The following KCNH2 variants were observed in gnomAD, a reference collection of about 807,000 sequenced individuals.
KCNH2 encodes the protein potassium voltage-gated channel subfamily H member 2.
Under a neutral mutation model 95.9 loss-of-function variants are expected in KCNH2, and 35 were observed. That is an observed-to-expected ratio of 0.37 (90% confidence interval 0.28 to 0.48). The LOEUF (loss-of-function observed/expected upper bound fraction) is 0.48, where lower values mean the gene tolerates loss of function less well. Among genes scored for constraint, KCNH2 ranks in the 20% least tolerant of loss-of-function variants. KCNH2 has a pLI of 0.99. For synonymous variants in KCNH2, 786 were observed against 754.7 expected (o/e 1.04, Z -0.68); for missense variants, 1,274 against 1,702.9 (o/e 0.75, Z 4.43).
In KCNH2 at chr7:150,961,001, G is replaced by A. The variant is rs147147165; in HGVS notation, c.308-1265C>T. On this transcript the variant is annotated intron_variant, in intron 2 of 14. Coordinates refer to ENST00000262186, the MANE Select transcript of KCNH2 (RefSeq NM_000238.4). This position sits in a 1 kb window ranked among gnomAD's most constrained non-coding sequence, Gnocchi z 6.2. ...GAAACCAGAAGGCAGTTAACAGCCC[G>A]CTCCAGCTCCTCTATGGCCCCCCAG... is the stretch of plus-strand genomic sequence containing the variant. Among the ~76,000 whole-genome samples the A allele has an allele frequency of 2.3e-4, 35 of 152,144 alleles. No individual in the cohort carries two copies. The East Asian group carries it at 4.6e-3, about 20-fold the overall frequency.
intron 2 of KCNH2, 156 bp from the exon 3 acceptor site, chr7:150,959,892 G>A (rs931278551): frequency 3.0e-5 from 25 of 844,776 alleles, no homozygotes; most frequent in East Asian, 2.9e-4. Context: ...TCCCCCACCC[G>A]GCCATGTGCC....
chr7:150,956,759 G>A (rs1200429277), intron 5 of KCNH2, among the ~76,000 whole-genome samples: 1 of 152,056 alleles, frequency 6.6e-6, no homozygotes, highest in Non-Finnish European at 1.5e-5. Flanking sequence ...TGGGCCCCTC[G>A]AGGCCATCCT....
In KCNH2 at chr7:150,958,383, C is replaced by G. The variant is rs768347062; in HGVS notation, c.592G>C (p.Val198Leu). ...CTGGGTGCCGCGGGCGTCAGGTCCA[C>G]GTCCACCACCACGGCCCCCGGGGCG... ...AGAPGAVVVD[V>L]DLTPAAPSSE... is the part of the protein sequence containing the mutation. Residue 198 changes from valine to leucine, a missense_variant, in exon 4 of 15, where the codon GTG becomes CTG. Transcript: ENST00000262186. 1.4e-6 allele frequency: 2 copies of G among 1,471,214 alleles called. No individual in the cohort carries two copies. Among genetic ancestry groups the G allele is most frequent in the East Asian group, 3.0e-5 (1 of 33,562 alleles). 91.1% of individuals were successfully genotyped at this position (1,471,214 alleles called of 1,614,324 possible).
chr7:150,955,021 C>T (rs1801319347), intron 5 of KCNH2, among the ~76,000 whole-genome samples: 1 of 152,232 alleles, frequency 6.6e-6, no homozygotes. Flanking sequence ...GCCTCCATGC[C>T]AGGCCCAGCT....
At position 150,951,014 on chromosome 7, in the gene KCNH2, G is replaced by C; in HGVS notation, c.2052C>G (p.Ile684Met). The C allele has an allele frequency of 6.2e-7, 1 of 1,614,232 alleles. No homozygotes were observed. The highest frequency in any genetic ancestry group is 8.5e-7 in the Non-Finnish European group (1 of 1,180,040). ...HTQMLRVREF[I>M]RFHQIPNPLR... ...GGGGATTGGGGATCTGGTGGAAGCG[G>C]ATGAACTCCCGCACCCGCAGCATCT... The change falls in exon 8 of 15, where the codon ATC becomes ATG. Residue 684 changes from isoleucine (I) to methionine (M), a missense_variant. By Grantham distance (10) the Ile-to-Met change is conservative. Around this residue, in one of 7 missense-constraint regions of KCNH2, gnomAD observed 159 missense variants for 282.5 expected, o/e 0.56. Coordinates refer to ENST00000262186, the MANE Select transcript of KCNH2 (RefSeq NM_000238.4).
At chr7:150,966,675 A>G (rs1197078032) in intron 2 of KCNH2, among the ~76,000 whole-genome samples, 4 of 152,144 alleles carry the variant, frequency 2.6e-5, no homozygotes, top group Non-Finnish European at 5.9e-5. Context: ...TTTTCTACAC[A>G]AGCAATTAGG....
intron 2 of KCNH2, among the ~76,000 whole-genome samples, chr7:150,972,814 C>G (rs1189036162): frequency 6.6e-6 from 1 of 152,218 alleles, no homozygotes; most frequent in Non-Finnish European, 1.5e-5. Context: ...ACAATAACTC[C>G]TCTGCAGAAG....
chr7:150,948,025 C>T lies in KCNH2; in HGVS notation c.2693-147G>A, dbSNP rs1800985106. 3 of 1,022,320 alleles carry T rather than the reference C, an allele frequency of 2.9e-6. No homozygotes were observed. The South Asian group carries it at 5.1e-5, about 17-fold the overall frequency. 63.3% of individuals were successfully genotyped at this position (1,022,320 alleles called of 1,614,324 possible). Reference sequence around the variant, plus strand: ...CAGTCGCTTCTTCTGCTATCTTGCACCCACTGTCAAGCCGACCAAGAACTC... The same window carrying T: ...CAGTCGCTTCTTCTGCTATCTTGCATCCACTGTCAAGCCGACCAAGAACTC... On this transcript the variant is annotated intron_variant, in intron 11 of 14. Coordinates refer to ENST00000262186, the MANE Select transcript of KCNH2 (RefSeq NM_000238.4).
At chr7:150,951,903 G>A in intron 6 of KCNH2, 68 bp from the exon 7 acceptor site, 2 of 1,424,496 alleles carry the variant, frequency 1.4e-6, no homozygotes, top group South Asian at 1.3e-5. Context: ...GGGAGGTGCT[G>A]CGGCCCTCAG....
chr7:150,954,872 C>T (rs1225901613), intron 5 of KCNH2, among the ~76,000 whole-genome samples: 1 of 152,216 alleles, frequency 6.6e-6, no homozygotes, highest in Non-Finnish European at 1.5e-5. Flanking sequence ...AGAGATGAGC[C>T]AGGTGCCTCA....
At chr7:150,951,350 C>CG in intron 7 of KCNH2, 98 bp downstream of exon 7, 1 of 1,122,298 alleles carries the variant, frequency 8.9e-7, no homozygotes. Flanking sequence ...CTCTAAGTTC[C>CG]AGGGCCTCAC....
intron 1 of KCNH2, among the ~76,000 whole-genome samples, chr7:150,975,777 G>C (rs1171922475): frequency 1.3e-5 from 2 of 152,236 alleles, no homozygotes; most frequent in Non-Finnish European, 2.9e-5. Context: ...GTCACAGGCA[G>C]AAGCCCAAGG....
chr7:150,958,311 C>T lies in KCNH2; in HGVS notation c.664G>A (p.Val222Met), dbSNP rs1263535997. The T allele has an allele frequency of 1.3e-6, 2 of 1,482,332 alleles. No individual in the cohort carries two copies. Among genetic ancestry groups the T allele is most frequent in the Non-Finnish European group, 1.8e-6 (2 of 1,122,872 alleles). The allele number at this position is 1,482,332 out of a possible 1,614,324, so 91.8% of individuals were successfully genotyped here. A position where few individuals can be genotyped will look rare whatever the true frequency, so the allele number is the denominator to read the frequency against. ...LDEVTAMDNH[V>M]AGLGPAEERR... ...TCCTCCGCGGGCCCGAGCCCTGCCA[C>T]GTGGTTGTCCATGGCTGTCACTTCG... Residue 222 changes from valine to methionine, a missense_variant, in exon 4 of 15, where the codon GTG becomes ATG. Physicochemically the swap from Val to Met is conservative, Grantham distance 21. This residue lies in a region of KCNH2 where 392 missense variants were observed against 429.9 expected (regional missense o/e 0.91). Transcript: ENST00000262186.
Position 150,947,544 on chromosome 7 carries a change from G to A in KCNH2, c.2966-30C>T, listed in dbSNP as rs372567534. ...AGCCAGAGAGCAGAGCTGGGTGAGCGGGGTAGACGCACCACCGCTGCCACG... is the reference window on the plus strand; with the variant it reads ...AGCCAGAGAGCAGAGCTGGGTGAGCAGGGTAGACGCACCACCGCTGCCACG... On this transcript the variant is annotated intron_variant, in intron 12 of 14. Coordinates refer to ENST00000262186, the MANE Select transcript of KCNH2 (RefSeq NM_000238.4). 4.1e-5 allele frequency: 66 copies of A among 1,601,208 alleles called. No homozygotes were observed. The African/African-American group carries it at 7.2e-4, about 18-fold the overall frequency.
intron 2 of KCNH2, among the ~76,000 whole-genome samples, chr7:150,971,703 T>G (rs1801844129): frequency 1.4e-5 from 2 of 147,820 alleles, no homozygotes; most frequent in Non-Finnish European, 1.5e-5. Context: ...GGACAGAGAG[T>G]AAGCCAGGCA....
intron 2 of KCNH2, among the ~76,000 whole-genome samples, chr7:150,972,274 C>G (rs1031655827): frequency 6.6e-6 from 1 of 152,252 alleles, no homozygotes; most frequent in Admixed American, 6.5e-5. Flanking sequence ...GCTCCCCCTA[C>G]CCGAGGCTGG....
Position 150,950,463 on chromosome 7 carries a change from A to AC in KCNH2, c.2146-44dup, listed in dbSNP as rs750134750. On this transcript the variant is annotated intron_variant, in intron 8 of 14. Transcript: ENST00000262186. ...GCAGCTCAGCACACCCTCCCTTGGG[A>AC]CCCCCCAACCCACACTCTACTCCAC... 3.8e-6 allele frequency: 6 copies of AC among 1,599,054 alleles called. No individual in the cohort carries two copies. In the South Asian group the frequency reaches 4.4e-5, roughly 12 times the overall value.
Position 150,945,559 on chromosome 7 carries a change from A to G in KCNH2, c.3331-45T>C. Reference sequence around the variant, plus strand: ...TGGGCAGGCGAAGAGGCCATGGAGGAGGAGGAAGGGGAGGGAAAGGGGCAG... The same window carrying G: ...TGGGCAGGCGAAGAGGCCATGGAGGGGGAGGAAGGGGAGGGAAAGGGGCAG... On this transcript the variant is annotated intron_variant, in intron 14 of 14. Transcript: ENST00000262186. The surrounding 1 kb of genome is among the most constrained non-coding windows in gnomAD (Gnocchi z 5.6). The G allele has an allele frequency of 5.2e-6, 8 of 1,549,418 alleles. No individual in the cohort carries two copies. The highest frequency in any genetic ancestry group is 7.0e-6 in the Non-Finnish European group (8 of 1,144,688).
rs1801357501 is a variant in KCNH2, at chr7:150,955,863, CACACT to C, written c.1128+1423_1128+1427del. 3.0e-6 allele frequency: 3 copies of C among 1,014,210 alleles called. No individual in the cohort carries two copies. The African/African-American group carries it at 5.5e-5, about 19-fold the overall frequency. The allele number at this position is 1,014,210 out of a possible 1,614,324, so 62.8% of individuals were successfully genotyped here. ...TACCAGGTCCCCACCCCCACCCCGCCACACTAGGCTCCCCCGCCCCGCCGGTGCCC... is the reference window on the plus strand; with the variant it reads ...TACCAGGTCCCCACCCCCACCCCGCCAGGCTCCCCCGCCCCGCCGGTGCCC... On this transcript the variant is annotated intron_variant, in intron 5 of 14. Coordinates refer to ENST00000262186, the MANE Select transcript of KCNH2 (RefSeq NM_000238.4).
Sources: gnomAD v4.1 joint callset for allele counts (sites outside exome capture counted in the v4.1 genomes callset) on GRCh38, gnomAD v4.1.1 for gene constraint, gnomAD v4.1.1 regional missense constraint, Gnocchi (gnomAD v3.1) non-coding constraint, MANE v1.5 for transcripts, NCBI Gene and HGNC (gene_info 2026-07-23, HGNC 2026-07-21) for gene names.